CADM2: variants seen among roughly 807,000 people sequenced by gnomAD.
CADM2 encodes the protein cell adhesion molecule 2.
In CADM2, 12 loss-of-function variants were observed where a neutral mutation model predicts 49.8. The observed-to-expected ratio is 0.24, with a 90% CI of 0.15 to 0.39. The LOEUF is 0.39. Among genes scored for constraint, CADM2 ranks in the 10% least tolerant of loss-of-function variants. The probability of loss-of-function intolerance (pLI) is 1.00; values close to 1 mark genes in which losing one functional copy is unlikely to be tolerated. For synonymous variants in CADM2, 214 were observed against 175.4 expected, an observed-to-expected ratio of 1.22 and a Z score of -1.74; for missense variants, 378 against 492.3, an observed-to-expected ratio of 0.77 and a Z score of 2.20.
chr3:85,252,990 A>T (rs1477763065), intron 1 of CADM2, among the ~76,000 whole-genome samples: 1 of 152,084 alleles, frequency 6.6e-6, no homozygotes, highest in Non-Finnish European at 1.5e-5. Context: ...TCCTAATACA[A>T]TAAAAAAAGT....
At chr3:85,179,704 T>G (rs2040877192) in intron 1 of CADM2, among the ~76,000 whole-genome samples, 1 of 152,118 alleles carries the variant, frequency 6.6e-6, no homozygotes, top group African/African-American at 2.4e-5. Context: ...TGGATAGATT[T>G]TTTTCCACAA....
chr3:85,596,561 C>T lies in CADM2; in HGVS notation c.62-129961C>T, dbSNP rs181750032. Among the ~76,000 whole-genome samples the T allele has an allele frequency of 6.6e-4, 101 of 152,136 alleles. 2 individuals carry two copies. The highest frequency in any genetic ancestry group is 6.6e-3 in the Admixed American group (100 of 15,258). ...AAGCATTCACCCATGAAACTATCAC[C>T]ACAAGCTATTGAACATACCCATTTT... On this transcript the variant is annotated intron_variant, in intron 1 of 9. Transcript: ENST00000383699.
intron 1 of CADM2, among the ~76,000 whole-genome samples, chr3:85,222,578 T>C (rs952394126): frequency 6.6e-6 from 1 of 152,198 alleles, no homozygotes; most frequent in Non-Finnish European, 1.5e-5. Flanking sequence ...CCTGATAATC[T>C]GTAACATGTG....
At chr3:85,670,607 G>A (rs4464471) in intron 1 of CADM2, among the ~76,000 whole-genome samples, 26,762 of 151,932 alleles carry the variant, frequency 0.18, 2,958 homozygotes, top group Non-Finnish European at 0.24. Flanking sequence ...CAGGAAAAAA[G>A]CACCAAGAAT....
intron 1 of CADM2, among the ~76,000 whole-genome samples, chr3:85,690,342 GT>G (rs2107679001): frequency 6.6e-6 from 1 of 152,272 alleles, no homozygotes. Context: ...AGACTTTACT[GT>G]TTTGGAGACC....
At chr3:85,664,507 T>C (rs750253520) in intron 1 of CADM2, among the ~76,000 whole-genome samples, 1 of 151,912 alleles carries the variant, frequency 6.6e-6, no homozygotes, top group African/African-American at 2.4e-5. Flanking sequence ...CAAAATTCCT[T>C]TGTTTCTGCC....
intron 7 of CADM2, among the ~76,000 whole-genome samples, chr3:85,941,351 A>G (rs1721876558): frequency 6.6e-6 from 1 of 152,096 alleles, no homozygotes; most frequent in Non-Finnish European, 1.5e-5. Context: ...AATGGAATCC[A>G]AGATTTCAAG....
intron 1 of CADM2, among the ~76,000 whole-genome samples, chr3:85,575,357 C>A (rs2062600878): frequency 6.6e-6 from 1 of 152,248 alleles, no homozygotes; most frequent in African/African-American, 2.4e-5. Context: ...CCAGACCATC[C>A]TAGCTAACAT....
chr3:85,458,581 G>A (rs1386634479), intron 1 of CADM2, among the ~76,000 whole-genome samples: 1 of 152,142 alleles, frequency 6.6e-6, no homozygotes, highest in Non-Finnish European at 1.5e-5. Flanking sequence ...AGATCAATTT[G>A]ATTTCTCCTC....
intron 1 of CADM2, among the ~76,000 whole-genome samples, chr3:85,617,712 G>C (rs1365532143): frequency 2.6e-5 from 4 of 152,190 alleles, no homozygotes; most frequent in Non-Finnish European, 4.4e-5. Flanking sequence ...CCATCCTGAA[G>C]CTACCAAGGG....
At chr3:85,336,391 CA>C (rs1377421248) in intron 1 of CADM2, among the ~76,000 whole-genome samples, 2 of 151,402 alleles carry the variant, frequency 1.3e-5, no homozygotes, top group African/African-American at 4.8e-5. Context: ...ATTTTAAAAT[CA>C]ACAAGAATAA....
intron 1 of CADM2, among the ~76,000 whole-genome samples, chr3:85,374,075 G>GTT (rs369129919): frequency 0.012 from 1,754 of 149,058 alleles, 26 homozygotes; most frequent in African/African-American, 0.042. Context: ...CTCAGAAAAT[G>GTT]TTTTTTTTTT....
chr3:85,180,400 T>A (rs973356830), intron 1 of CADM2, among the ~76,000 whole-genome samples: 2 of 150,996 alleles, frequency 1.3e-5, no homozygotes, highest in African/African-American at 4.9e-5. Context: ...TCCCAGCTAA[T>A]TGGGAGGATG....
chr3:85,419,224 G>T (rs1002693610), intron 1 of CADM2, among the ~76,000 whole-genome samples: 3 of 152,298 alleles, frequency 2.0e-5, no homozygotes, highest in Non-Finnish European at 4.4e-5. Context: ...GGGAGGCCGA[G>T]ATGGGTGGAT....
intron 1 of CADM2, among the ~76,000 whole-genome samples, chr3:85,005,691 TAA>T (rs922226180): frequency 6.8e-6 from 1 of 146,386 alleles, no homozygotes; most frequent in African/African-American, 2.5e-5. Context: ...TAAGATCTGA[TAA>T]AAAAAAAAAT....
chr3:85,064,067 A>C lies in CADM2; in HGVS notation c.61+104399A>C, dbSNP rs72903363. The stretch of plus-strand genomic sequence containing the variant: ...ACCGATTCCTTTGGATAGTAGACAT[A>C]ATCTGTTCAATTGTTTTGGTATGGC... On this transcript the variant is annotated intron_variant, in intron 1 of 9. Coordinates refer to ENST00000383699, the MANE Select transcript of CADM2 (RefSeq NM_001167675.2). Among the ~76,000 whole-genome samples, 1,077 of 152,194 alleles carry C rather than the reference A, an allele frequency of 7.1e-3. 16 individuals are homozygous for C. The highest frequency in any genetic ancestry group is 0.024 in the African/African-American group (1,011 of 41,560).
intron 1 of CADM2, among the ~76,000 whole-genome samples, chr3:85,689,503 AGATAAGAAACTGATCAGGACG>A (rs1206519022): frequency 1.3e-5 from 2 of 152,234 alleles, no homozygotes; most frequent in Non-Finnish European, 2.9e-5. Context: ...CACAGAGGAC[AGATAAGAAACTGATCAGGACG>A]GTTTACCAGA....
At chr3:85,099,908 A>G (rs1337920098) in intron 1 of CADM2, among the ~76,000 whole-genome samples, 1 of 152,226 alleles carries the variant, frequency 6.6e-6, no homozygotes, top group Admixed American at 6.5e-5. Flanking sequence ...GTGAGTGTAC[A>G]TAAAACCATA....
intron 1 of CADM2, among the ~76,000 whole-genome samples, chr3:85,660,063 A>G (rs2065352180): frequency 1.3e-5 from 2 of 152,190 alleles, no homozygotes; most frequent in South Asian, 2.1e-4. Flanking sequence ...TTTGAGGTTT[A>G]GATACCTGCT....
Sources: gnomAD v4.1 joint callset for allele counts (sites outside exome capture counted in the v4.1 genomes callset) on GRCh38, gnomAD v4.1.1 for gene constraint, MANE v1.5 for transcripts, NCBI Gene and HGNC (gene_info 2026-07-23, HGNC 2026-07-21) for gene names.